MYADML2: variants seen among roughly 807,000 people sequenced by gnomAD.
The protein encoded by MYADML2 is myeloid associated differentiation marker like 2.
In MYADML2, 17 loss-of-function variants were observed where a neutral mutation model predicts 16.0. The ratio of observed to expected loss-of-function variants is 1.06; its 90% CI spans 0.73 to 1.60. The LOEUF (loss-of-function observed/expected upper bound fraction) is 1.60, where lower values mean the gene tolerates loss of function less well. MYADML2 is among the 40% of genes most tolerant of loss of function. MYADML2 has a pLI of 0.00. For missense variants in MYADML2, 422 were observed against 437.7 expected (o/e 0.96, Z 0.32); for synonymous variants, 210 against 208.1 (o/e 1.01, Z -0.08).
chr17:81,941,679 A>T lies in MYADML2; in HGVS notation c.63T>A (p.Pro21=), dbSNP rs190088949. ...AYLHLGAVTS[P]VGTARVLQLA... ...GCTGCAGCACGCGGGCTGTGCCCAC[A>T]GGGGATGTCACGGCGCCCAGGTGCA... Residue 21 remains proline (P), a synonymous_variant, in exon 3 of 3, where the codon CCT becomes CCA. Transcript: ENST00000409745. The T allele has an allele frequency of 7.7e-4, 1,197 of 1,547,584 alleles. 10 individuals carry two copies. In the African/African-American group the frequency reaches 0.015, roughly 19 times the overall value.
At chr17:81,944,499 T>C (rs559577396) in intron 1 of MYADML2, among the ~76,000 whole-genome samples, 7 of 152,268 alleles carry the variant, frequency 4.6e-5, no homozygotes, top group African/African-American at 1.7e-4. Flanking sequence ...GAGGAGTCTT[T>C]TATTGTGGTA....
In MYADML2 at chr17:81,940,419, T is replaced by C. The variant is rs2041292030; in HGVS notation, c.*399A>G. 5.5e-6 allele frequency: 1 copy of C among 181,308 alleles called. No homozygotes were observed. Among genetic ancestry groups the C allele is most frequent in the South Asian group, 1.4e-4 (1 of 6,974 alleles). The allele number at this position is 181,308 out of a possible 1,614,324, so 11.2% of individuals were successfully genotyped here. On this transcript the variant is annotated 3_prime_UTR_variant, in exon 3 of 3. Transcript: ENST00000409745. ...CCTGACTGTGGTCTCCAGACACTAA[T>C]GGAGGTACTGGGTGCCTCGCAAATG...
intron 1 of MYADML2, among the ~76,000 whole-genome samples, chr17:81,946,299 C>G (rs889100289): frequency 9.4e-5 from 14 of 149,140 alleles, no homozygotes; most frequent in Non-Finnish European, 1.5e-4. Flanking sequence ...AGGTTGCAGT[C>G]AGCCGAGATC....
At position 81,940,680 on chromosome 17, in the gene MYADML2, C is replaced by G. The variant is rs1210658039; in HGVS notation, c.*138G>C. 6.2e-6 allele frequency: 6 copies of G among 961,910 alleles called. No homozygotes were observed. Among genetic ancestry groups the G allele is most frequent in the Non-Finnish European group, 7.5e-6 (5 of 664,714 alleles). 59.6% of individuals were successfully genotyped at this position (961,910 alleles called of 1,614,324 possible). A position where few individuals can be genotyped will look rare whatever the true frequency, so the allele number is the denominator to read the frequency against. ...CAGTCTGGAAGTCGGGGAGTGACCT[C>G]TCCCGTTGTACTTCATCTCCCCTGA... On this transcript the variant is annotated 3_prime_UTR_variant, in exon 3 of 3. Transcript: ENST00000409745.
intron 1 of MYADML2, among the ~76,000 whole-genome samples, chr17:81,944,758 G>A (rs2041330948): frequency 6.6e-6 from 1 of 152,172 alleles, no homozygotes; most frequent in Non-Finnish European, 1.5e-5. Flanking sequence ...GAGGGACAGG[G>A]GCTGAAGGCT....
At position 81,940,932 on chromosome 17, in the gene MYADML2, G is replaced by T; in HGVS notation, c.810C>A (p.Gly270=). 6.5e-7 allele frequency: 1 copy of T among 1,550,026 alleles called. No individual in the cohort carries two copies. The highest frequency in any genetic ancestry group is 8.7e-7 in the Non-Finnish European group (1 of 1,146,476). ...CCAGCTGGCTGTCCCAGGGACAGCT[G>T]CCCCGAGCACAGTTGGGGGGCCGTT... ...EPKRPPNCAR[G]SCPWDSQLVV... Residue 270 remains glycine, a synonymous_variant, in exon 3 of 3, where the codon GGC becomes GGA. Transcript: ENST00000409745.
intron 1 of MYADML2, among the ~76,000 whole-genome samples, chr17:81,945,393 T>G (rs139200119): frequency 5.1e-4 from 77 of 151,880 alleles, no homozygotes; most frequent in African/African-American, 1.6e-3. Context: ...CAAAAAATTA[T>G]CCAGGCGTGG....
In MYADML2 at chr17:81,940,869, G is replaced by C. The variant is rs933215425; in HGVS notation, c.873C>G (p.Tyr291Ter). ...TCTGGGAGTAGGCGAGGTCAACGAC[G>C]TACAGGAGCAGGTTGACGTAGGTGA... ...AIFTYVNLLL[Y>*]VVDLAYSQRI... The change falls in exon 3 of 3, where the codon TAC (tyrosine) becomes TAG (stop). Residue 291 changes from tyrosine (Y) to a stop codon, truncating the protein, a stop_gained. Coordinates refer to ENST00000409745, the MANE Select transcript of MYADML2 (RefSeq NM_001145113.3). LOFTEE classifies it high-confidence loss of function. 10 of 1,540,730 alleles carry C rather than the reference G, an allele frequency of 6.5e-6. No homozygotes were observed. The highest frequency in any genetic ancestry group is 1.4e-5 in the African/African-American group (1 of 72,892).
At position 81,941,483 on chromosome 17, in the gene MYADML2, A is replaced by C. The variant is rs1370683533; in HGVS notation, c.259T>G (p.Phe87Val). 2 of 1,548,764 alleles carry C rather than the reference A, an allele frequency of 1.3e-6. No homozygotes were observed. The highest frequency in any genetic ancestry group is 1.7e-6 in the Non-Finnish European group (2 of 1,146,352). ...HGCLRLSWGNFTAAFAMLATL... is the reference protein window; with the variant it reads ...HGCLRLSWGNVTAAFAMLATL... ...GCCAGCATGGCGAAGGCGGCGGTGA[A>C]GTTGCCCCAGGAGAGCCGCAGGCAG... is the stretch of plus-strand genomic sequence containing the variant. Residue 87 changes from phenylalanine to valine, a missense_variant, in exon 3 of 3, where the codon TTC (phenylalanine) becomes GTC (valine). Physicochemically the swap from Phe to Val is conservative, Grantham distance 50. Coordinates refer to ENST00000409745, the MANE Select transcript of MYADML2 (RefSeq NM_001145113.3).
At chr17:81,945,718 T>C (rs1267196833) in intron 1 of MYADML2, among the ~76,000 whole-genome samples, 1 of 143,328 alleles carries the variant, frequency 7.0e-6, no homozygotes, top group African/African-American at 2.6e-5. Context: ...AAAAAAAAAA[T>C]GAGTTGGGCG....
chr17:81,941,936 C>T lies in MYADML2; in HGVS notation c.-102-93G>A, dbSNP rs1385659338. 4.5e-5 allele frequency: 24 copies of T among 537,150 alleles called. 1 individual carries two copies. The highest frequency in any genetic ancestry group is 6.0e-5 in the East Asian group (2 of 33,534). The allele number at this position is 537,150 out of a possible 1,614,324, so 33.3% of individuals were successfully genotyped here. A position where few individuals can be genotyped will look rare whatever the true frequency, so the allele number is the denominator to read the frequency against. ...CCCCCCAGCGCTATAAATAGACAGC[C>T]GTGATCAGAGCCCCGGAATAGCAGC... On this transcript the variant is annotated intron_variant, in intron 2 of 2. Coordinates refer to ENST00000409745, the MANE Select transcript of MYADML2 (RefSeq NM_001145113.3).
chr17:81,941,252 A>G lies in MYADML2; in HGVS notation c.490T>C (p.Ser164Pro), dbSNP rs1392277479. The G allele has an allele frequency of 1.3e-6, 2 of 1,550,084 alleles. No individual in the cohort carries two copies. Among genetic ancestry groups the G allele is most frequent in the Admixed American group, 3.9e-5 (2 of 51,004 alleles). ...GQVSSYMATV[S>P]GLLKIVQAFV... is the part of the protein sequence containing the mutation. ...GCCTGGACGATCTTGAGGAGCCCCG[A>G]CACCGTGGCCATATAGCTGCTCACC... Residue 164 changes from serine to proline, a missense_variant, in exon 3 of 3, where the codon TCG (serine) becomes CCG (proline). Physicochemically the swap from Ser to Pro is moderately conservative, Grantham distance 74. Coordinates refer to ENST00000409745, the MANE Select transcript of MYADML2 (RefSeq NM_001145113.3).
Position 81,941,665 on chromosome 17 carries a change from C to A in MYADML2, c.77G>T (p.Arg26Leu). 1.3e-6 allele frequency: 2 copies of A among 1,549,502 alleles called. No individual in the cohort carries two copies. Among genetic ancestry groups the A allele is most frequent in the Non-Finnish European group, 1.7e-6 (2 of 1,146,720 alleles). The change falls in exon 3 of 3, where the codon CGC becomes CTC. Residue 26 changes from arginine (R) to leucine (L), a missense_variant. Physicochemically the swap from Arg to Leu is moderately radical, Grantham distance 102. Coordinates refer to ENST00000409745, the MANE Select transcript of MYADML2 (RefSeq NM_001145113.3). The part of the protein sequence containing the change: ...GAVTSPVGTA[R>L]VLQLAFGCTT... ...GCAGCCAAAGGCCAGCTGCAGCACG[C>A]GGGCTGTGCCCACAGGGGATGTCAC...
intron 1 of MYADML2, among the ~76,000 whole-genome samples, chr17:81,946,489 A>C (rs964361365): frequency 4.0e-5 from 6 of 151,670 alleles, no homozygotes; most frequent in African/African-American, 1.5e-4. Flanking sequence ...TCTACTAAAA[A>C]TACAAAAAAT....
rs564421236 is a variant in MYADML2 at position 81,942,223 on chromosome 17, G to A, written c.-103+73C>T. ...CCAGCTGTGCGGGGGAGGGGTGTAGGAGGCAGGAGGCGGCAGCCTGGGCTC... is the reference window on the plus strand; with the variant it reads ...CCAGCTGTGCGGGGGAGGGGTGTAGAAGGCAGGAGGCGGCAGCCTGGGCTC... On this transcript the variant is annotated intron_variant, in intron 2 of 2. Coordinates refer to ENST00000409745, the MANE Select transcript of MYADML2 (RefSeq NM_001145113.3). The surrounding 1 kb of genome is among the most constrained non-coding windows in gnomAD (Gnocchi z 4.4). 3.7e-3 allele frequency: 573 copies of A among 154,340 alleles called. 3 individuals carry two copies. Among genetic ancestry groups the A allele is most frequent in the South Asian group, 7.8e-3 (38 of 4,856 alleles). The allele number at this position is 154,340 out of a possible 1,614,324, so 9.6% of individuals were successfully genotyped here. A position where few individuals can be genotyped will look rare whatever the true frequency, so the allele number is the denominator to read the frequency against.
intron 1 of MYADML2, among the ~76,000 whole-genome samples, chr17:81,946,045 A>G (rs928453827): frequency 4.6e-5 from 7 of 151,820 alleles, no homozygotes; most frequent in Admixed American, 1.3e-4. Flanking sequence ...TATTCAACAA[A>G]CCTCAGACTG....
At position 81,945,319 on chromosome 17, in the gene MYADML2, C is replaced by T. The variant is rs566856630; in HGVS notation, c.-181+1740G>A. ...CTTTGGGAGGCCAAGGTGGGCGGAT[C>T]ACGAGGTCAGGAGATCGAGACCATC... On this transcript the variant is annotated intron_variant, in intron 1 of 2. Coordinates refer to ENST00000409745, the MANE Select transcript of MYADML2 (RefSeq NM_001145113.3). 3.3e-5 allele frequency among the ~76,000 whole-genome samples: 5 copies of T among 152,014 alleles called. No homozygotes were observed. The South Asian group carries it at 1.0e-3, about 32-fold the overall frequency.
chr17:81,945,264 G>A (rs1471670300), intron 1 of MYADML2, among the ~76,000 whole-genome samples: 3 of 151,996 alleles, frequency 2.0e-5, no homozygotes, highest in African/African-American at 7.3e-5. Flanking sequence ...AATTGGCTGG[G>A]TGCGGTGGCT....
At chr17:81,946,508 T>TG (rs2041348492) in intron 1 of MYADML2, among the ~76,000 whole-genome samples, 1 of 147,838 alleles carries the variant, frequency 6.8e-6, no homozygotes, top group African/African-American at 2.5e-5. Context: ...ATTAGCCAGG[T>TG]GTGGCAGTGG....
Sources: gnomAD v4.1 joint callset for allele counts (sites outside exome capture counted in the v4.1 genomes callset) on GRCh38, gnomAD v4.1.1 for gene constraint, Gnocchi (gnomAD v3.1) non-coding constraint, MANE v1.5 for transcripts, NCBI Gene and HGNC (gene_info 2026-07-23, HGNC 2026-07-21) for gene names.